Variants in PAPOLA observed in about 807,000 individuals in gnomAD.
The protein encoded by PAPOLA is polynucleotide adenylyltransferase alpha.
Under a neutral mutation model 100.6 loss-of-function variants are expected in PAPOLA, and 15 were observed. The observed-to-expected ratio is 0.15, with a 90% CI of 0.10 to 0.23. PAPOLA has a LOEUF of 0.23. Ranked by LOEUF, PAPOLA falls within the 10% of genes least tolerant of loss-of-function variation. PAPOLA has a pLI of 1.00. For missense variants in PAPOLA, 533 were observed against 884.2 expected, an observed-to-expected ratio of 0.60 and a Z score of 5.04; for synonymous variants, 293 against 300.0, an observed-to-expected ratio of 0.98 and a Z score of 0.24.
rs771702094 is a variant in PAPOLA, at chr14:96,532,281, GTTT to G, written c.608-48_608-46del. 82 of 1,461,154 alleles carry G rather than the reference GTTT, an allele frequency of 5.6e-5. No individual in the cohort carries two copies. The African/African-American group carries it at 9.2e-4, about 16-fold the overall frequency. The allele number at this position is 1,461,154 out of a possible 1,614,324, so 90.5% of individuals were successfully genotyped here. ...ATGTTGTTTTTTTTTGTTTTGTTTT[GTTT>G]TGTGTGTGTGTGTGTGTGTGTGTTT... On this transcript the variant is annotated intron_variant, in intron 7 of 21. Coordinates refer to ENST00000216277, the MANE Select transcript of PAPOLA (RefSeq NM_032632.5).
At chr14:96,528,155 A>G (rs975644513) in intron 6 of PAPOLA, 149 bp downstream of exon 6, 3 of 570,148 alleles carry the variant, frequency 5.3e-6, no homozygotes, top group Non-Finnish European at 9.6e-6. Flanking sequence ...GTGACTGCCT[A>G]TTCTTGTAGA....
chr14:96,536,242 T>G (rs1417056503), intron 11 of PAPOLA, among the ~76,000 whole-genome samples: 1 of 152,160 alleles, frequency 6.6e-6, no homozygotes, highest in Non-Finnish European at 1.5e-5. Context: ...CTGGTTTAGT[T>G]GCATACTATT....
intron 10 of PAPOLA, 190 bp from the exon 11 acceptor site, chr14:96,535,689 T>G (rs967089027): frequency 7.3e-6 from 6 of 818,216 alleles, no homozygotes; most frequent in African/African-American, 5.4e-5. Flanking sequence ...ATCATTAGTT[T>G]AGATGAAATC....
intron 1 of PAPOLA, among the ~76,000 whole-genome samples, chr14:96,507,750 G>A (rs369091408): frequency 1.3e-5 from 2 of 152,134 alleles, no homozygotes; most frequent in South Asian, 2.1e-4. Flanking sequence ...TTTACAACTC[G>A]TAAAGGGGTC....
At chr14:96,509,113 G>A (rs980386705) in intron 1 of PAPOLA, among the ~76,000 whole-genome samples, 17 of 152,062 alleles carry the variant, frequency 1.1e-4, no homozygotes, top group African/African-American at 4.1e-4. Context: ...GTCACTGCAG[G>A]CTTGACCTCC....
chr14:96,506,440 C>T (rs370206950), intron 1 of PAPOLA, among the ~76,000 whole-genome samples: 45 of 152,232 alleles, frequency 3.0e-4, no homozygotes, highest in African/African-American at 1.1e-3. Flanking sequence ...TCTGAAAGAA[C>T]AAGTGATGAA....
intron 15 of PAPOLA, among the ~76,000 whole-genome samples, chr14:96,545,682 CTG>C (rs1176559944): frequency 3.3e-5 from 5 of 151,966 alleles, no homozygotes. Context: ...TGGTATAATT[CTG>C]TGTTGGGTAG....
chr14:96,534,271 G>A, intron 9 of PAPOLA: 2 of 1,345,406 alleles, frequency 1.5e-6, no homozygotes, highest in Non-Finnish European at 1.9e-6. Context: ...AACGTTTTTG[G>A]TTTCAGTCTG....
chr14:96,503,415 C>G (rs1275875212), intron 1 of PAPOLA, among the ~76,000 whole-genome samples: 2 of 151,634 alleles, frequency 1.3e-5, no homozygotes. Flanking sequence ...TGCCACTGCG[C>G]CTTTTTCTTT....
intron 1 of PAPOLA, among the ~76,000 whole-genome samples, chr14:96,515,007 G>A (rs1405816207): frequency 1.3e-5 from 2 of 151,606 alleles, no homozygotes; most frequent in African/African-American, 4.9e-5. Context: ...AGTTTTTTTA[G>A]TATACAGTTA....
chr14:96,532,285 T>C, intron 7 of PAPOLA, 46 bp from the exon 8 acceptor site: 1 of 506,576 alleles, frequency 2.0e-6, no homozygotes. Context: ...TGTTTTGTTT[T>C]GTGTGTGTGT....
At chr14:96,534,918 A>G (rs1391627603) in intron 10 of PAPOLA, 9 of 1,008,022 alleles carry the variant, frequency 8.9e-6, no homozygotes, top group Non-Finnish European at 1.1e-5. Flanking sequence ...TTATCTAAGT[A>G]TTATGCTAAA....
intron 9 of PAPOLA, chr14:96,532,861 T>C: frequency 1.6e-6 from 2 of 1,275,216 alleles, no homozygotes; most frequent in Non-Finnish European, 2.0e-6. Flanking sequence ...AGATTCTATT[T>C]GTACTTCCTT....
intron 1 of PAPOLA, among the ~76,000 whole-genome samples, chr14:96,508,584 A>C (rs1232746151): frequency 6.6e-6 from 1 of 152,230 alleles, no homozygotes; most frequent in Non-Finnish European, 1.5e-5. Flanking sequence ...GTTTTGGCTC[A>C]TCAGAACATT....
At chr14:96,532,977 A>G (rs1220879815) in intron 9 of PAPOLA, 1 of 1,018,896 alleles carries the variant, frequency 9.8e-7, no homozygotes. Flanking sequence ...ACTTGTACAC[A>G]CTACCTCTTT....
chr14:96,507,280 G>GTTTTTTTTTTT (rs71103533), intron 1 of PAPOLA, among the ~76,000 whole-genome samples: 10 of 80,702 alleles, frequency 1.2e-4, no homozygotes, highest in African/African-American at 4.5e-4. Context: ...TTGGAAAATA[G>GTTTTTTTTTTT]TTTTTTTTTT....
chr14:96,551,808 G>T (rs1336791914), intron 16 of PAPOLA, among the ~76,000 whole-genome samples: 1 of 152,128 alleles, frequency 6.6e-6, no homozygotes, highest in African/African-American at 2.4e-5. Context: ...TGATTTTTAA[G>T]GAGGACCAAC....
Position 96,556,347 on chromosome 14 carries a change from A to G in PAPOLA, c.1938A>G (p.Ile646Met). 1.9e-6 allele frequency: 3 copies of G among 1,613,964 alleles called. No homozygotes were observed. The highest frequency in any genetic ancestry group is 2.5e-6 in the Non-Finnish European group (3 of 1,179,828). Residue 646 changes from isoleucine to methionine, a missense_variant, in exon 19 of 22, where the codon ATA (isoleucine) becomes ATG (methionine). This residue lies in a region of PAPOLA where 242 missense variants were observed against 281.0 expected (regional missense o/e 0.86). Transcript: ENST00000216277. Reference protein sequence around the residue: ...GNAATKIPTPIVGVKRTSSPH... With the variant: ...GNAATKIPTPMVGVKRTSSPH... Reference sequence around the variant, plus strand: ...CAGCAACAAAAATACCTACTCCTATAGTAGGAGTCAAGAGGACATCCTCAC... The same window carrying G: ...CAGCAACAAAAATACCTACTCCTATGGTAGGAGTCAAGAGGACATCCTCAC...
At chr14:96,548,402 A>T (rs2140313470) in intron 16 of PAPOLA, among the ~76,000 whole-genome samples, 1 of 152,268 alleles carries the variant, frequency 6.6e-6, no homozygotes, top group Admixed American at 6.5e-5. Flanking sequence ...GAGGTCACTG[A>T]GTTAATATTT....
Sources: allele counts gnomAD v4.1 joint callset (sites outside exome capture counted in the v4.1 genomes callset), GRCh38; gene constraint gnomAD v4.1.1; regional missense constraint gnomAD v4.1.1; transcripts MANE v1.5; gene names NCBI Gene and HGNC (gene_info 2026-07-23, HGNC 2026-07-21).